The following PALM2AKAP2 variants were observed in gnomAD, a reference collection of about 807,000 sequenced individuals.
The protein encoded by PALM2AKAP2 is PALM2 and AKAP2 fusion, also known as PALM2-AKAP2 fusion protein.
PALM2AKAP2 carries 37 observed loss-of-function variants against 71.5 expected under a neutral mutation model. The observed-to-expected ratio is 0.52, with a 90% CI of 0.40 to 0.68. The LOEUF (loss-of-function observed/expected upper bound fraction) is 0.68. Among genes scored for constraint, PALM2AKAP2 ranks in the 30% least tolerant of loss-of-function variants. PALM2AKAP2 has a pLI of 0.00. For synonymous variants in PALM2AKAP2, 468 were observed against 478.8 expected, an observed-to-expected ratio of 0.98 and a Z score of 0.29; for missense variants, 1,224 against 1,191.8, an observed-to-expected ratio of 1.03 and a Z score of -0.40.
At chr9:109,958,719 G>GA (rs1831794992) in intron 6 of PALM2AKAP2, among the ~76,000 whole-genome samples, 1 of 152,060 alleles carries the variant, frequency 6.6e-6, no homozygotes. Context: ...GGAAGGAAAA[G>GA]AAAGAGAAAG....
At chr9:110,003,617 G>A (rs1314088098) in intron 6 of PALM2AKAP2, among the ~76,000 whole-genome samples, 1 of 151,760 alleles carries the variant, frequency 6.6e-6, no homozygotes, top group African/African-American at 2.4e-5. Flanking sequence ...TCTGTCTAAT[G>A]TTGACAGTGG....
chr9:110,024,128 A>G (rs943440201), intron 7 of PALM2AKAP2, among the ~76,000 whole-genome samples: 2 of 152,158 alleles, frequency 1.3e-5, no homozygotes, highest in African/African-American at 4.8e-5. Flanking sequence ...TAAAATTTGC[A>G]TGCCATATGG....
At chr9:109,940,435 T>C (rs1831332371) in intron 6 of PALM2AKAP2, among the ~76,000 whole-genome samples, 1 of 152,134 alleles carries the variant, frequency 6.6e-6, no homozygotes. Flanking sequence ...TTTGGATATG[T>C]AGAAACTCAA....
At chr9:109,952,871 A>C (rs1335837521) in intron 6 of PALM2AKAP2, among the ~76,000 whole-genome samples, 1 of 152,188 alleles carries the variant, frequency 6.6e-6, no homozygotes, top group Non-Finnish European at 1.5e-5. Flanking sequence ...ATTCATCCCT[A>C]GTGTTGTTGT....
At chr9:110,144,022 T>C (rs116204912) in intron 2 of PALM2AKAP2, among the ~76,000 whole-genome samples, 1,620 of 152,356 alleles carry the variant, frequency 0.011, 29 homozygotes, top group African/African-American at 0.037. Context: ...TTCCCCTTCA[T>C]TATCTGCAAA....
At chr9:109,934,437 A>G (rs1313609472) in intron 6 of PALM2AKAP2, among the ~76,000 whole-genome samples, 1 of 152,144 alleles carries the variant, frequency 6.6e-6, no homozygotes, top group Non-Finnish European at 1.5e-5. Context: ...TGTTTTTCCC[A>G]GATCCTCACT....
chr9:109,902,126 A>T (rs1378387968), intron 3 of PALM2AKAP2, among the ~76,000 whole-genome samples: 1 of 152,210 alleles, frequency 6.6e-6, no homozygotes, highest in African/African-American at 2.4e-5. Context: ...GACTGACCTC[A>T]TCTGAATCTC....
intron 1 of PALM2AKAP2, among the ~76,000 whole-genome samples, chr9:109,652,174 C>G (rs904710614): frequency 6.6e-6 from 1 of 152,130 alleles, no homozygotes; most frequent in Non-Finnish European, 1.5e-5. Context: ...AATCCACTGA[C>G]TTTTATATAG....
intron 3 of PALM2AKAP2, among the ~76,000 whole-genome samples, chr9:109,910,471 C>T (rs530812361): frequency 1.4e-4 from 22 of 152,300 alleles, no homozygotes; most frequent in African/African-American, 5.3e-4. Flanking sequence ...AAATGTTAAT[C>T]AATAAGAACA....
At chr9:109,987,396 T>C (rs1588045904) in intron 6 of PALM2AKAP2, among the ~76,000 whole-genome samples, 1 of 152,320 alleles carries the variant, frequency 6.6e-6, no homozygotes, top group African/African-American at 2.4e-5. Flanking sequence ...CCCAAAGTGC[T>C]GGGATTACAG....
chr9:109,932,095 A>G, intron 6 of PALM2AKAP2, 67 bp downstream of exon 6: 1 of 1,476,164 alleles, frequency 6.8e-7, no homozygotes. Flanking sequence ...AGCTTTATTA[A>G]TGAGATGAGT....
chr9:109,724,801 CATTTTCAATCACA>C (rs1163816077), intron 1 of PALM2AKAP2, among the ~76,000 whole-genome samples: 1 of 152,132 alleles, frequency 6.6e-6, no homozygotes, highest in Non-Finnish European at 1.5e-5. Context: ...CAAAAGCCTT[CATTTTCAATCACA>C]ATAAAATGGT....
intron 7 of PALM2AKAP2, among the ~76,000 whole-genome samples, chr9:110,035,244 AATTAT>A (rs1215559477): frequency 9.4e-5 from 13 of 137,586 alleles, no homozygotes; most frequent in Middle Eastern, 3.8e-3. Flanking sequence ...TATAATATAT[AATTAT>A]ATTATATACA....
At chr9:109,662,507 G>A (rs1358604936) in intron 1 of PALM2AKAP2, among the ~76,000 whole-genome samples, 2 of 152,198 alleles carry the variant, frequency 1.3e-5, no homozygotes, top group Non-Finnish European at 2.9e-5. Context: ...TTGCATCCCA[G>A]GGATGAAGCC....
chr9:109,986,997 T>A (rs147252670), intron 6 of PALM2AKAP2, among the ~76,000 whole-genome samples: 1 of 152,350 alleles, frequency 6.6e-6, no homozygotes, highest in South Asian at 2.1e-4. Context: ...AGAAACATAA[T>A]GTAGTGGACA....
chr9:109,885,497 A>C (rs1204284557), intron 3 of PALM2AKAP2, among the ~76,000 whole-genome samples: 1 of 152,200 alleles, frequency 6.6e-6, no homozygotes, highest in Non-Finnish European at 1.5e-5. Context: ...GGTCAGGTTC[A>C]AGAATGATTG....
intron 1 of PALM2AKAP2, among the ~76,000 whole-genome samples, chr9:109,795,396 T>C (rs1481457801): frequency 5.3e-5 from 8 of 152,260 alleles, no homozygotes; most frequent in Non-Finnish European, 1.0e-4. Context: ...AAGTCTTTTT[T>C]ATTTTCTAGA....
At chr9:110,117,900 G>A (rs1398321515) in intron 1 of PALM2AKAP2, among the ~76,000 whole-genome samples, 1 of 151,856 alleles carries the variant, frequency 6.6e-6, no homozygotes, top group Non-Finnish European at 1.5e-5. Flanking sequence ...GAACTATAGA[G>A]AGAGGGCAAA....
At chr9:109,651,383 C>T (rs1003247789) in intron 1 of PALM2AKAP2, among the ~76,000 whole-genome samples, 23 of 152,184 alleles carry the variant, frequency 1.5e-4, no homozygotes, top group African/African-American at 4.3e-4. Flanking sequence ...CTTGATGTGG[C>T]GATGGCTCCC....
Sources: gnomAD v4.1 joint callset for allele counts (sites outside exome capture counted in the v4.1 genomes callset) on GRCh38, gnomAD v4.1.1 for gene constraint, MANE v1.5 for transcripts, NCBI Gene and HGNC (gene_info 2026-07-23, HGNC 2026-07-21) for gene names.